NLRP13: variants seen among roughly 807,000 people sequenced by gnomAD.
NLRP13 encodes the protein NLR family pyrin domain containing 13.
In NLRP13, 82 loss-of-function variants were observed where a neutral mutation model predicts 94.4. The observed-to-expected ratio is 0.87, with a 90% CI of 0.73 to 1.04. The LOEUF is 1.04. Among genes scored for constraint, NLRP13 ranks in the 50% least tolerant of loss-of-function variants. The pLI is 0.00. For missense variants in NLRP13, 1,426 were observed against 1,230.8 expected, an observed-to-expected ratio of 1.16 and a Z score of -2.37; for synonymous variants, 553 against 464.7, an observed-to-expected ratio of 1.19 and a Z score of -2.45.
At chr19:55,930,868 C>G (rs745504453) in intron 1 of NLRP13, among the ~76,000 whole-genome samples, 1 of 39,724 alleles carries the variant, frequency 2.5e-5, no homozygotes, top group Non-Finnish European at 4.3e-5. Flanking sequence ...GAGATAGAAT[C>G]AGTGATTATA....
intron 1 of NLRP13, among the ~76,000 whole-genome samples, chr19:55,929,143 G>A (rs1284670072): frequency 1.3e-5 from 2 of 152,088 alleles, no homozygotes; most frequent in Non-Finnish European, 2.9e-5. Flanking sequence ...TGGAGAGGAT[G>A]TGGAGAAATA....
chr19:55,903,201 C>T (rs1185052681), intron 8 of NLRP13, among the ~76,000 whole-genome samples: 1 of 152,008 alleles, frequency 6.6e-6, no homozygotes, highest in Non-Finnish European at 1.5e-5. Context: ...CGTATAATTA[C>T]ACACGTATGA....
At chr19:55,930,558 T>C (rs11666404) in intron 1 of NLRP13, among the ~76,000 whole-genome samples, 27,712 of 150,904 alleles carry the variant, frequency 0.18, 2,785 homozygotes, top group African/African-American at 0.26. Context: ...TGGTGGCAGG[T>C]GCCTGTAGTC....
rs149164646 is a variant in NLRP13 at position 55,912,939 on chromosome 19, T to C, written c.878A>G (p.Asp293Gly). The change falls in exon 5 of 11, where the codon GAT becomes GGT. Residue 293 changes from aspartate (D) to glycine (G), a missense_variant. Coordinates refer to ENST00000342929, the MANE Select transcript of NLRP13 (RefSeq NM_176810.2). Reference protein sequence around the residue: ...ELISLDWPDFDAPIEEFMSQP... With the variant: ...ELISLDWPDFGAPIEEFMSQP... ...AGACATGAACTCTTCAATGGGGGCA[T>C]CAAAATCGGGCCAATCCAAAGAAAT... 2.3e-3 allele frequency: 3,660 copies of C among 1,613,990 alleles called. 6 individuals are homozygous for C. The highest frequency in any genetic ancestry group is 2.8e-3 in the Non-Finnish European group (3,286 of 1,179,870).
chr19:55,928,389 G>C (rs1987022026), intron 1 of NLRP13, among the ~76,000 whole-genome samples: 1 of 152,104 alleles, frequency 6.6e-6, no homozygotes, highest in South Asian at 2.1e-4. Flanking sequence ...CACCTACTAA[G>C]TATCCAGAAT....
At chr19:55,904,908 G>C in intron 8 of NLRP13, 34 bp downstream of exon 8, 2 of 1,582,890 alleles carry the variant, frequency 1.3e-6, no homozygotes, top group African/African-American at 2.7e-5. Context: ...TGCCCATAGA[G>C]TCATATCTAG....
Position 55,912,614 on chromosome 19 carries a change from G to T in NLRP13, c.1203C>A (p.Asp401Glu). ...LRVYFMRHFDDSSEVEKILQQ... is the reference protein window; with the variant it reads ...LRVYFMRHFDESSEVEKILQQ... Reference sequence around the variant, plus strand: ...GCAGGATTTTCTCAACTTCACTTGAGTCATCAAAGTGTCTCATGAAATATA... The same window carrying T: ...GCAGGATTTTCTCAACTTCACTTGATTCATCAAAGTGTCTCATGAAATATA... Residue 401 changes from aspartate (D) to glutamate (E), a missense_variant, in exon 5 of 11, where the codon GAC (aspartate) becomes GAA (glutamate). Physicochemically the swap from Asp to Glu is conservative, Grantham distance 45. Transcript: ENST00000342929. 6.2e-7 allele frequency: 1 copy of T among 1,614,184 alleles called. No individual in the cohort carries two copies. The highest frequency in any genetic ancestry group is 8.5e-7 in the Non-Finnish European group (1 of 1,180,024).
chr19:55,919,080 TA>T (rs1385346996), intron 4 of NLRP13, among the ~76,000 whole-genome samples: 1 of 152,138 alleles, frequency 6.6e-6, no homozygotes, highest in Non-Finnish European at 1.5e-5. Flanking sequence ...CACAAATCAA[TA>T]AATGTGATTC....
intron 1 of NLRP13, among the ~76,000 whole-genome samples, chr19:55,927,640 T>G (rs781386091): frequency 6.6e-6 from 1 of 151,940 alleles, no homozygotes; most frequent in Non-Finnish European, 1.5e-5. Flanking sequence ...CAATCATCCA[T>G]AAACCACCAG....
chr19:55,900,817 C>T (rs1986148605), intron 9 of NLRP13, among the ~76,000 whole-genome samples: 1 of 151,048 alleles, frequency 6.6e-6, no homozygotes, highest in Non-Finnish European at 1.5e-5. Flanking sequence ...CCCATTTGAC[C>T]CAGCAATCCC....
chr19:55,902,213 G>C lies in NLRP13; in HGVS notation c.2619-8C>G, dbSNP rs1313991464. 1.2e-6 allele frequency: 2 copies of C among 1,613,276 alleles called. No homozygotes were observed. Among genetic ancestry groups the C allele is most frequent in the Non-Finnish European group, 1.7e-6 (2 of 1,179,776 alleles). On this transcript the variant is annotated splice_region_variant and splice_polypyrimidine_tract_variant and intron_variant, in intron 8 of 10. Coordinates refer to ENST00000342929, the MANE Select transcript of NLRP13 (RefSeq NM_176810.2). ...AGCTGGCAAAACCAGAGCCTGCAGG[G>C]TGAAAGCCACAGAGATGGACACTCA...
intron 6 of NLRP13, among the ~76,000 whole-genome samples, 174 bp from the exon 7 acceptor site, chr19:55,908,130 A>G (rs1194531471): frequency 6.6e-6 from 1 of 151,932 alleles, no homozygotes; most frequent in African/African-American, 2.4e-5. Flanking sequence ...ATAAAAACTA[A>G]AATATACTCC....
Position 55,902,205 on chromosome 19 carries a change from C to T in NLRP13, c.2619G>A (p.Glu873=), listed in dbSNP as rs767589385. 1.2e-6 allele frequency: 2 copies of T among 1,613,368 alleles called. No individual in the cohort carries two copies. Among genetic ancestry groups the T allele is most frequent in the South Asian group, 1.1e-5 (1 of 91,036 alleles). ...THPKCALERL[E]LWFCQLAAPA... ...GTGCTGCCAGCTGGCAAAACCAGAG[C>T]CTGCAGGGTGAAAGCCACAGAGATG... is the stretch of plus-strand genomic sequence containing the variant. Residue 873 remains glutamate (E), a splice_region_variant and synonymous_variant, in exon 9 of 11, where the codon GAG becomes GAA. Transcript: ENST00000342929.
intron 10 of NLRP13, among the ~76,000 whole-genome samples, chr19:55,897,744 T>A (rs1358679032): frequency 2.0e-5 from 3 of 152,156 alleles, no homozygotes; most frequent in African/African-American, 7.2e-5. Context: ...AATAATTTAA[T>A]GTGTGGTGTC....
At chr19:55,904,030 A>G (rs1986266014) in intron 8 of NLRP13, among the ~76,000 whole-genome samples, 1 of 152,048 alleles carries the variant, frequency 6.6e-6, no homozygotes, top group Non-Finnish European at 1.5e-5. Context: ...GCCATCTCCT[A>G]CCACTATCAC....
chr19:55,925,317 G>A (rs150545100), intron 1 of NLRP13, among the ~76,000 whole-genome samples: 1 of 152,332 alleles, frequency 6.6e-6, no homozygotes, highest in Non-Finnish European at 1.5e-5. Flanking sequence ...TCAAGGCTCT[G>A]CTGAAATCTT....
At chr19:55,928,249 C>T (rs11883015) in intron 1 of NLRP13, among the ~76,000 whole-genome samples, 26,779 of 152,096 alleles carry the variant, frequency 0.18, 2,540 homozygotes, top group African/African-American at 0.23. Context: ...AAGTTTATGC[C>T]GCCATTCGAA....
intron 6 of NLRP13, among the ~76,000 whole-genome samples, chr19:55,909,356 C>T (rs1986441016): frequency 6.6e-6 from 1 of 152,190 alleles, no homozygotes; most frequent in Admixed American, 6.5e-5. Context: ...GACCCTCCCC[C>T]TGCTCACCTT....
At chr19:55,907,212 C>T in intron 7 of NLRP13, among the ~76,000 whole-genome samples, 1 of 152,058 alleles carries the variant, frequency 6.6e-6, no homozygotes, top group Non-Finnish European at 1.5e-5. Context: ...CCCCACTCCA[C>T]CACCCAAAGT....
Sources: allele counts gnomAD v4.1 joint callset (sites outside exome capture counted in the v4.1 genomes callset), GRCh38; gene constraint gnomAD v4.1.1; transcripts MANE v1.5; gene names NCBI Gene and HGNC (gene_info 2026-07-23, HGNC 2026-07-21).